The following ZNF618 variants were observed in gnomAD, a reference collection of about 807,000 sequenced individuals.
ZNF618 encodes the protein neural precursor cell expressed, developmentally down-regulated 10.
In ZNF618, 34 loss-of-function variants were observed where a neutral mutation model predicts 103.0. The ratio of observed to expected loss-of-function variants is 0.33; its 90% confidence interval spans 0.25 to 0.44. The LOEUF (loss-of-function observed/expected upper bound fraction) is 0.44. ZNF618 is among the 20% of genes least tolerant of loss of function. The pLI is 1.00. For missense variants in ZNF618, 1,059 were observed against 1,295.4 expected (o/e 0.82, Z 2.80); for synonymous variants, 551 against 542.2 (o/e 1.02, Z -0.23).
At chr9:114,032,602 C>A in intron 11 of ZNF618, 43 bp from the exon 12 acceptor site, 2 of 1,589,284 alleles carry the variant, frequency 1.3e-6, no homozygotes, top group Non-Finnish European at 1.7e-6. Context: ...CTAGTGCTGA[C>A]CAATCACCAT....
chr9:113,900,200 TACAGGTGTGCACCA>T (rs1830392791), intron 1 of ZNF618, among the ~76,000 whole-genome samples: 2 of 152,122 alleles, frequency 1.3e-5, no homozygotes. Context: ...TGGCTGGAAC[TACAGGTGTGCACCA>T]GCACACCTGG....
At chr9:113,921,305 G>C (rs1477944048) in intron 1 of ZNF618, among the ~76,000 whole-genome samples, 1 of 152,240 alleles carries the variant, frequency 6.6e-6, no homozygotes, top group African/African-American at 2.4e-5. Context: ...ACTTCAGAGA[G>C]AATGAGTGCA....
chr9:114,029,000 C>T, intron 11 of ZNF618, 28 bp downstream of exon 11: 2 of 1,539,330 alleles, frequency 1.3e-6, no homozygotes, highest in Non-Finnish European at 1.8e-6. Flanking sequence ...GACCCCCACA[C>T]TTTCTCCCCC....
intron 6 of ZNF618, among the ~76,000 whole-genome samples, chr9:114,004,226 G>A (rs999128059): frequency 6.6e-6 from 1 of 152,130 alleles, no homozygotes; most frequent in African/African-American, 2.4e-5. Flanking sequence ...AGGAGAGGCC[G>A]GCATGTTCCA....
At position 113,929,441 on chromosome 9, in the gene ZNF618, T is replaced by TG. The variant is rs1317127992; in HGVS notation, c.34-39673dup. 3.9e-5 allele frequency among the ~76,000 whole-genome samples: 6 copies of TG among 152,324 alleles called. No homozygotes were observed. In the East Asian group the frequency reaches 1.2e-3, roughly 29 times the overall value. On this transcript the variant is annotated intron_variant, in intron 1 of 14. Coordinates refer to ENST00000374126, the MANE Select transcript of ZNF618 (RefSeq NM_001318042.2). The stretch of plus-strand genomic sequence containing the variant: ...TGCAGCTTTTTTCTTGTTGTAAGGA[T>TG]GGGAGTGATGACTTCCAAGCTCTGT...
intron 1 of ZNF618, among the ~76,000 whole-genome samples, chr9:113,905,757 C>T (rs920788365): frequency 4.6e-5 from 7 of 152,298 alleles, no homozygotes; most frequent in East Asian, 3.9e-4. Context: ...GCTCATTCTC[C>T]GCATGATTCT....
At chr9:113,899,508 C>T (rs899857390) in intron 1 of ZNF618, among the ~76,000 whole-genome samples, 6 of 152,194 alleles carry the variant, frequency 3.9e-5, no homozygotes, top group African/African-American at 1.4e-4. Context: ...GAGCGCGAAC[C>T]CTATTGTGAA....
Position 114,048,993 on chromosome 9 carries a change from A to G in ZNF618, c.1691A>G (p.Tyr564Cys). The G allele has an allele frequency of 6.2e-7, 1 of 1,613,366 alleles. No homozygotes were observed. The highest frequency in any genetic ancestry group is 8.5e-7 in the Non-Finnish European group (1 of 1,179,558). The change falls in exon 15 of 15, where the codon TAC becomes TGC. Residue 564 changes from tyrosine (Y) to cysteine (C), a missense_variant. This residue lies in a region of ZNF618 where 272 missense variants were observed against 380.1 expected (regional missense o/e 0.72). Transcript: ENST00000374126. Reference protein sequence around the residue: ...HSQSVGPDSCYILTAYQAEGN... With the variant: ...HSQSVGPDSCCILTAYQAEGN... ...CAGAGTGTTGGCCCTGACTCCTGCT[A>G]CATCCTCACAGCCTACCAGGCCGAG...
chr9:114,047,970 G>C lies in ZNF618; in HGVS notation c.1324G>C (p.Ala442Pro). The C allele has an allele frequency of 6.3e-7, 1 of 1,593,906 alleles. No homozygotes were observed. The highest frequency in any genetic ancestry group is 8.5e-7 in the Non-Finnish European group (1 of 1,170,250). Residue 442 changes from alanine to proline, a missense_variant, in exon 14 of 15, where the codon GCC (alanine) becomes CCC (proline). Ala to Pro is a conservative substitution (Grantham distance 27). Around this residue, in one of 6 missense-constraint regions of ZNF618, gnomAD observed 434 missense variants for 476.0 expected, o/e 0.91. Transcript: ENST00000374126. ...TGTAGAAGAGAAGTGGAAACCTCAG[G>C]CCCAGAGGAACAGTGCCAATAACAG... ...AVVEEKWKPQ[A>P]QRNSANNTTT...
At chr9:113,952,521 T>G (rs1220331773) in intron 1 of ZNF618, among the ~76,000 whole-genome samples, 1 of 152,198 alleles carries the variant, frequency 6.6e-6, no homozygotes, top group Non-Finnish European at 1.5e-5. Context: ...CTCCTCATAG[T>G]CCTCTCATTG....
chr9:113,884,058 C>T (rs1307230433), intron 1 of ZNF618, among the ~76,000 whole-genome samples: 1 of 135,840 alleles, frequency 7.4e-6, no homozygotes, highest in African/African-American at 2.7e-5. Flanking sequence ...GGAACTCTGA[C>T]TTAGTCCTAC....
chr9:114,042,907 T>C (rs1420527254), intron 13 of ZNF618, among the ~76,000 whole-genome samples: 1 of 152,214 alleles, frequency 6.6e-6, no homozygotes, highest in African/African-American at 2.4e-5. Flanking sequence ...TCTCCTACCC[T>C]AGCCACTGGC....
rs200554956 is a variant in ZNF618, at chr9:114,053,134, T to A, written c.*2967T>A. The A allele has an allele frequency of 6.6e-6, 1 of 152,616 alleles. No individual in the cohort carries two copies. Among genetic ancestry groups the A allele is most frequent in the African/African-American group, 2.4e-5 (1 of 41,460 alleles). 9.5% of individuals were successfully genotyped at this position (152,616 alleles called of 1,614,324 possible). A position where few individuals can be genotyped will look rare whatever the true frequency, so the allele number is the denominator to read the frequency against. ...AGGTGCCCTCTTCTCAGACAGGCTG[T>A]TCTCAGAGTGCAAATCCTGCTGCAA... On this transcript the variant is annotated 3_prime_UTR_variant, in exon 15 of 15. Transcript: ENST00000374126.
intron 9 of ZNF618, among the ~76,000 whole-genome samples, chr9:114,011,728 A>T (rs1167359081): frequency 2.0e-5 from 3 of 152,232 alleles, no homozygotes; most frequent in African/African-American, 7.2e-5. Context: ...GCTGGGAAGT[A>T]CACCTTTCAC....
At chr9:113,905,573 C>G (rs776840331) in intron 1 of ZNF618, among the ~76,000 whole-genome samples, 8 of 152,094 alleles carry the variant, frequency 5.3e-5, no homozygotes, top group Non-Finnish European at 8.8e-5. Context: ...GCCTGTAGAC[C>G]AGGAGTCTAC....
At chr9:113,912,315 T>C (rs1831627688) in intron 1 of ZNF618, among the ~76,000 whole-genome samples, 1 of 152,134 alleles carries the variant, frequency 6.6e-6, no homozygotes, top group Non-Finnish European at 1.5e-5. Flanking sequence ...CATTTAAATT[T>C]GATTAGGATG....
intron 1 of ZNF618, among the ~76,000 whole-genome samples, chr9:113,925,452 T>A (rs1368299441): frequency 6.6e-6 from 1 of 151,838 alleles, no homozygotes; most frequent in East Asian, 1.9e-4. Flanking sequence ...TCTTTTTTTT[T>A]TTTTCAATCC....
chr9:113,926,240 A>G (rs1314278405), intron 1 of ZNF618, among the ~76,000 whole-genome samples: 2 of 148,402 alleles, frequency 1.3e-5, no homozygotes, highest in African/African-American at 5.0e-5. Context: ...TGTAATTCTT[A>G]TCCTTATTCT....
In ZNF618 at chr9:114,049,769, G is replaced by A. The variant is rs774177716; in HGVS notation, c.2467G>A (p.Glu823Lys). ...KLRPVPPYQH[E>K]EIIGKVCELI... ...GCGGCCTGTGCCACCCTACCAGCAC[G>A]AGGAGATCATCGGCAAGGTCTGTGA... The change falls in exon 15 of 15, where the codon GAG becomes AAG. Residue 823 changes from glutamate to lysine, a missense_variant. Transcript: ENST00000374126. 5 of 1,614,014 alleles carry A rather than the reference G, an allele frequency of 3.1e-6. No homozygotes were observed. Among genetic ancestry groups the A allele is most frequent in the Admixed American group, 1.7e-5 (1 of 60,032 alleles).
Sources: allele counts gnomAD v4.1 joint callset (sites outside exome capture counted in the v4.1 genomes callset), GRCh38; gene constraint gnomAD v4.1.1; regional missense constraint gnomAD v4.1.1; transcripts MANE v1.5; gene names NCBI Gene and HGNC (gene_info 2026-07-23, HGNC 2026-07-21).